The following ARFGEF3 variants were observed in gnomAD, a reference collection of about 807,000 sequenced individuals.
ARFGEF3 encodes the protein ARFGEF family member 3.
ARFGEF3 carries 96 observed loss-of-function variants against 221.7 expected under a neutral mutation model. The observed-to-expected ratio is 0.43, with a 90% CI of 0.37 to 0.51. The LOEUF is 0.51. ARFGEF3 is among the 20% of genes least tolerant of loss of function. The pLI, the probability that ARFGEF3 is intolerant of heterozygous loss-of-function variation, is 0.00. For synonymous variants in ARFGEF3, 1,145 were observed against 1,126.8 expected (o/e 1.02, Z -0.32); for missense variants, 2,410 against 2,789.9 (o/e 0.86, Z 3.07).
At chr6:138,289,760 C>T in intron 17 of ARFGEF3, 58 bp from the exon 18 acceptor site, 3 of 1,546,008 alleles carry the variant, frequency 1.9e-6, no homozygotes, top group Non-Finnish European at 2.6e-6. Context: ...CTTTCATTTT[C>T]ATTCTTTCTG....
At chr6:138,306,952 C>CT (rs1465473245) in intron 22 of ARFGEF3, among the ~76,000 whole-genome samples, 3 of 120,492 alleles carry the variant, frequency 2.5e-5, no homozygotes, top group Admixed American at 8.5e-5. Context: ...ATAAGGAACT[C>CT]TAAAAAAAAA....
intron 4 of ARFGEF3, chr6:138,217,080 C>T (rs1337661526): frequency 1.3e-5 from 2 of 152,170 alleles, no homozygotes; most frequent in African/African-American, 2.4e-5. Context: ...CATTGAAAGC[C>T]TGGAGATGTG....
chr6:138,185,397 C>T (rs1307637825), intron 2 of ARFGEF3, among the ~76,000 whole-genome samples: 1 of 152,136 alleles, frequency 6.6e-6, no homozygotes, highest in African/African-American at 2.4e-5. Flanking sequence ...TTACTTGCAG[C>T]TGAACGCACC....
At chr6:138,331,130 G>GAA (rs1416797050) in intron 32 of ARFGEF3, among the ~76,000 whole-genome samples, 24 of 152,138 alleles carry the variant, frequency 1.6e-4, no homozygotes, top group Admixed American at 1.6e-3. Context: ...ATAAAACATA[G>GAA]AACAGCCTAA....
At chr6:138,281,621 C>T (rs1779198457) in intron 14 of ARFGEF3, among the ~76,000 whole-genome samples, 1 of 152,180 alleles carries the variant, frequency 6.6e-6, no homozygotes, top group Non-Finnish European at 1.5e-5. Context: ...CAGCTATGTC[C>T]ATGTTGCAAC....
At chr6:138,251,072 C>A (rs1475181947) in intron 8 of ARFGEF3, among the ~76,000 whole-genome samples, 3 of 152,280 alleles carry the variant, frequency 2.0e-5, no homozygotes, top group Non-Finnish European at 2.9e-5. Flanking sequence ...ACTGCCGCAA[C>A]CCACGGAAAA....
intron 22 of ARFGEF3, 69 bp downstream of exon 22, chr6:138,298,854 G>T: frequency 2.5e-6 from 3 of 1,182,752 alleles, no homozygotes; most frequent in Non-Finnish European, 3.6e-6. Flanking sequence ...ACGGTTCTAT[G>T]AGCTTCGCAC....
chr6:138,220,282 T>C (rs779817445), intron 4 of ARFGEF3, among the ~76,000 whole-genome samples: 7 of 152,212 alleles, frequency 4.6e-5, no homozygotes, highest in Non-Finnish European at 1.0e-4. Context: ...GGATTATAGG[T>C]GTGAGCCACT....
At chr6:138,183,742 A>G (rs549760468) in intron 2 of ARFGEF3, among the ~76,000 whole-genome samples, 85 of 152,342 alleles carry the variant, frequency 5.6e-4, no homozygotes, top group African/African-American at 1.9e-3. Context: ...GTTCTCCTAC[A>G]TATGCCTTTT....
chr6:138,262,865 T>C lies in ARFGEF3; in HGVS notation c.1382T>C (p.Leu461Pro). The C allele has an allele frequency of 6.2e-7, 1 of 1,613,900 alleles. No homozygotes were observed. Among genetic ancestry groups the C allele is most frequent in the Non-Finnish European group, 8.5e-7 (1 of 1,179,850 alleles). Reference sequence around the variant, plus strand: ...CTGCTGCTTCTGCGCCTTGAGGAGCTGAAGGATGGGGCTGAGTGGAGCCGA... The same window carrying C: ...CTGCTGCTTCTGCGCCTTGAGGAGCCGAAGGATGGGGCTGAGTGGAGCCGA... ...VQLLLLRLEE[L>P]KDGAEWSRDS... Residue 461 changes from leucine to proline, a missense_variant, in exon 12 of 34, where the codon CTG (leucine) becomes CCG (proline). Transcript: ENST00000251691.
At chr6:138,233,949 G>A (rs545740787) in intron 5 of ARFGEF3, among the ~76,000 whole-genome samples, 1 of 152,300 alleles carries the variant, frequency 6.6e-6, no homozygotes, top group South Asian at 2.1e-4. Context: ...TGCAGTTCAA[G>A]GAGCTTCACT....
chr6:138,291,920 G>T lies in ARFGEF3; in HGVS notation c.3235G>T (p.Val1079Phe). 1.3e-6 allele frequency: 2 copies of T among 1,496,924 alleles called. No homozygotes were observed. Among genetic ancestry groups the T allele is most frequent in the Non-Finnish European group, 1.8e-6 (2 of 1,120,374 alleles). The allele number at this position is 1,496,924 out of a possible 1,614,324, so 92.7% of individuals were successfully genotyped here. ...GCGCTCCCTGAGCACGGCCCCTGTCGTCCAGCCCCTGTCCATCCAGGACCT... is the reference window on the plus strand; with the variant it reads ...GCGCTCCCTGAGCACGGCCCCTGTCTTCCAGCCCCTGTCCATCCAGGACCT... The part of the protein sequence containing the change: ...QGRSLSTAPV[V>F]QPLSIQDLVR... Residue 1079 changes from valine (V) to phenylalanine (F), a missense_variant, in exon 19 of 34, where the codon GTC becomes TTC. Physicochemically the swap from Val to Phe is conservative, Grantham distance 50. Transcript: ENST00000251691. This position sits in a 1 kb window ranked among gnomAD's most constrained non-coding sequence, Gnocchi z 4.5.
intron 31 of ARFGEF3, among the ~76,000 whole-genome samples, chr6:138,325,682 C>A (rs1780114331): frequency 6.6e-6 from 1 of 152,220 alleles, no homozygotes; most frequent in African/African-American, 2.4e-5. Context: ...CTGGCTAAAG[C>A]ATTTGCACGT....
chr6:138,275,553 G>A (rs1779081210), intron 12 of ARFGEF3, among the ~76,000 whole-genome samples: 1 of 152,048 alleles, frequency 6.6e-6, no homozygotes, highest in Non-Finnish European at 1.5e-5. Flanking sequence ...AGACCAGCCT[G>A]GCCAACATGG....
intron 31 of ARFGEF3, among the ~76,000 whole-genome samples, chr6:138,324,822 T>C (rs1780100193): frequency 6.6e-6 from 1 of 152,210 alleles, no homozygotes; most frequent in Non-Finnish European, 1.5e-5. Context: ...CAGAAGAATA[T>C]AGTAGTATCA....
At chr6:138,331,348 G>C (rs776150966) in intron 32 of ARFGEF3, among the ~76,000 whole-genome samples, 5 of 152,250 alleles carry the variant, frequency 3.3e-5, no homozygotes, top group Non-Finnish European at 7.3e-5. Context: ...GCCAAAATCT[G>C]TATGCTTTGC....
chr6:138,234,934 T>C (rs1006354602), intron 5 of ARFGEF3, among the ~76,000 whole-genome samples: 2 of 152,212 alleles, frequency 1.3e-5, no homozygotes, highest in Admixed American at 6.5e-5. Context: ...GTGAAGGTCA[T>C]ATGTATTTTA....
At chr6:138,245,696 C>G in intron 8 of ARFGEF3, 105 bp downstream of exon 8, 1 of 855,814 alleles carries the variant, frequency 1.2e-6, no homozygotes, top group Admixed American at 2.0e-5. Context: ...ATTATAGGGA[C>G]AATAGTTTCC....
chr6:138,289,424 A>C (rs1250828601), intron 17 of ARFGEF3, among the ~76,000 whole-genome samples: 1 of 152,238 alleles, frequency 6.6e-6, no homozygotes, highest in African/African-American at 2.4e-5. Context: ...AATCTCAGAG[A>C]AAACTTGCAG....
Sources: gnomAD v4.1 joint callset for allele counts (sites outside exome capture counted in the v4.1 genomes callset) on GRCh38, gnomAD v4.1.1 for gene constraint, Gnocchi (gnomAD v3.1) non-coding constraint, MANE v1.5 for transcripts, NCBI Gene and HGNC (gene_info 2026-07-23, HGNC 2026-07-21) for gene names.